The following SLC41A3 variants were observed in gnomAD, a reference collection of about 807,000 sequenced individuals.
SLC41A3 encodes SLC41A1-like 2.
A neutral mutation model predicts 45.4 loss-of-function variants in SLC41A3; 44 were observed. That is an observed-to-expected ratio of 0.97 (90% CI 0.76 to 1.25). The LOEUF (loss-of-function observed/expected upper bound fraction) is 1.25, where lower values mean the gene tolerates loss of function less well. Ranked by LOEUF, SLC41A3 falls within the 50% of genes most tolerant of loss-of-function variation. The probability of loss-of-function intolerance (pLI) is 0.00; values close to 1 mark genes in which losing one functional copy is unlikely to be tolerated. For synonymous variants in SLC41A3, 256 were observed against 252.4 expected, an observed-to-expected ratio of 1.01 and a Z score of -0.13; for missense variants, 550 against 600.6, an observed-to-expected ratio of 0.92 and a Z score of 0.88.
intron 3 of SLC41A3, among the ~76,000 whole-genome samples, chr3:126,037,118 CAT>C (rs1942256295): frequency 6.6e-6 from 1 of 152,170 alleles, no homozygotes; most frequent in South Asian, 2.1e-4. Context: ...GTGCCCTTCT[CAT>C]AGTAATGAGT....
intron 1 of SLC41A3, among the ~76,000 whole-genome samples, chr3:126,079,279 G>GAC (rs63354060): frequency 0.058 from 8,504 of 146,020 alleles, 230 homozygotes; most frequent in Non-Finnish European, 0.068. Flanking sequence ...AAGGGTAAGG[G>GAC]ACACACACAC....
intron 1 of SLC41A3, chr3:126,092,504 C>G (rs1945508668): frequency 6.6e-6 from 1 of 152,162 alleles, no homozygotes; most frequent in African/African-American, 2.4e-5. Flanking sequence ...GGCTGTGAGA[C>G]CCCTGATTTC....
At chr3:126,024,247 C>T (rs771026701) in intron 5 of SLC41A3, 4 of 152,286 alleles carry the variant, frequency 2.6e-5, no homozygotes, top group African/African-American at 9.7e-5. Context: ...TCAGTTTTCC[C>T]TTCTGTAAAA....
chr3:126,026,139 C>T lies in SLC41A3; in HGVS notation c.598+196G>A, dbSNP rs1487299464. 1.3e-5 allele frequency among the ~76,000 whole-genome samples: 2 copies of T among 152,152 alleles called. No individual in the cohort carries two copies. The highest frequency in any genetic ancestry group is 4.8e-5 in the African/African-American group (2 of 41,442). ...GTGGCAGGAGCGGCACACACCCCTG[C>T]CTGGGTGAGGGCACAAGGTGGGCCA... On this transcript the variant is annotated intron_variant, in intron 5 of 10. Transcript: ENST00000360370. The surrounding 1 kb of genome is among the most constrained non-coding windows in gnomAD (Gnocchi z 4.2).
chr3:126,010,963 TCAAACATGATC>T (rs1249701950), intron 9 of SLC41A3, among the ~76,000 whole-genome samples: 1 of 152,170 alleles, frequency 6.6e-6, no homozygotes, highest in African/African-American at 2.4e-5. Flanking sequence ...AAGTAGAGAT[TCAAACATGATC>T]CAAAGTCTTG....
intron 1 of SLC41A3, among the ~76,000 whole-genome samples, chr3:126,077,981 G>C (rs1020469213): frequency 1.1e-4 from 17 of 152,202 alleles, no homozygotes; most frequent in African/African-American, 4.1e-4. Context: ...CTGGGCCCAG[G>C]CGGCACCGGT....
intron 2 of SLC41A3, among the ~76,000 whole-genome samples, chr3:126,059,451 A>T (rs984217226): frequency 2.6e-5 from 4 of 152,070 alleles, no homozygotes; most frequent in African/African-American, 9.7e-5. Flanking sequence ...TGGATGAAGG[A>T]GTGCCCATTT....
At chr3:126,029,572 G>C (rs1199887543) in intron 4 of SLC41A3, among the ~76,000 whole-genome samples, 1 of 152,146 alleles carries the variant, frequency 6.6e-6, no homozygotes, top group East Asian at 1.9e-4. Flanking sequence ...TTTCTTTATA[G>C]CAATGCAAAA....
At chr3:126,063,918 ACT>A (rs1944203719) in intron 2 of SLC41A3, among the ~76,000 whole-genome samples, 1 of 141,932 alleles carries the variant, frequency 7.0e-6, no homozygotes, top group Non-Finnish European at 1.5e-5. Flanking sequence ...GGGTGTCACC[ACT>A]GTCACAGGCA....
At chr3:126,011,920 C>G (rs1256983418) in intron 9 of SLC41A3, among the ~76,000 whole-genome samples, 1 of 152,220 alleles carries the variant, frequency 6.6e-6, no homozygotes, top group Non-Finnish European at 1.5e-5. Flanking sequence ...GAAAGAAGAT[C>G]TGATTTTTCA....
Position 126,012,597 on chromosome 3 carries a change from G to C in SLC41A3, c.1105+18C>G. On this transcript the variant is annotated intron_variant, in intron 9 of 10. Transcript: ENST00000360370. Reference sequence around the variant, plus strand: ...TAAAGAAATGGCTATCATGGCCTCTGAAAGACATGACACCCACCTGACGTG... The same window carrying C: ...TAAAGAAATGGCTATCATGGCCTCTCAAAGACATGACACCCACCTGACGTG... The C allele has an allele frequency of 6.2e-7, 1 of 1,613,570 alleles. No individual in the cohort carries two copies. The highest frequency in any genetic ancestry group is 8.5e-7 in the Non-Finnish European group (1 of 1,179,614).
At chr3:126,090,028 C>CTTTTTTTTTTTTTTTTTTTTTTTTTTTT (rs59737864) in intron 1 of SLC41A3, among the ~76,000 whole-genome samples, 2 of 99,336 alleles carry the variant, frequency 2.0e-5, no homozygotes, top group Non-Finnish European at 3.9e-5. Context: ...TCAAGAAAAT[C>CTTTTTTTTTTTTTTTTTTTTTTTTTTTT]TTTTTTTTTT....
chr3:126,008,600 G>T, intron 10 of SLC41A3, 132 bp downstream of exon 10: 1 of 1,270,486 alleles, frequency 7.9e-7, no homozygotes, highest in Non-Finnish European at 1.1e-6. Context: ...CTCAACTCCT[G>T]GAAGATAAGG....
At chr3:126,016,108 C>T (rs1423699359) in intron 7 of SLC41A3, among the ~76,000 whole-genome samples, 4 of 152,250 alleles carry the variant, frequency 2.6e-5, no homozygotes, top group Non-Finnish European at 5.9e-5. Flanking sequence ...CCTACTCTAT[C>T]GCCTCTTCTC....
upstream of SLC41A3, among the ~76,000 whole-genome samples, chr3:126,084,641 G>A (rs2108117639): frequency 6.6e-6 from 1 of 152,236 alleles, no homozygotes; most frequent in East Asian, 1.9e-4. Flanking sequence ...TAATCAGTAA[G>A]GCCTATTTTT....
At position 126,026,572 on chromosome 3, in the gene SLC41A3, T is replaced by A; in HGVS notation, c.454-93A>T. 1 of 1,469,990 alleles carries A rather than the reference T, an allele frequency of 6.8e-7. No individual in the cohort carries two copies. The highest frequency in any genetic ancestry group is 1.3e-5 in the South Asian group (1 of 76,362). 91.1% of individuals were successfully genotyped at this position (1,469,990 alleles called of 1,614,324 possible). A position where few individuals can be genotyped will look rare whatever the true frequency, so the allele number is the denominator to read the frequency against. ...ACCTCACTCACCGCAAGGGGCCGGG[T>A]GCCACATGCTACTGCCTCCTTTCCC... On this transcript the variant is annotated intron_variant, in intron 4 of 10. Coordinates refer to ENST00000360370, the MANE Select transcript of SLC41A3 (RefSeq NM_017836.4). The surrounding 1 kb of genome is among the most constrained non-coding windows in gnomAD (Gnocchi z 4.2).
chr3:126,022,659 TG>T, intron 6 of SLC41A3, 126 bp downstream of exon 6: 1 of 1,209,572 alleles, frequency 8.3e-7, no homozygotes, highest in Non-Finnish European at 1.2e-6. Context: ...ACATGAAATG[TG>T]GGGGACACAT....
chr3:126,024,949 C>T (rs1262276267), intron 5 of SLC41A3: 1 of 152,178 alleles, frequency 6.6e-6, no homozygotes, highest in Admixed American at 6.5e-5. Context: ...TGTGAACACA[C>T]ATTTGAGGTG....
Position 126,008,890 on chromosome 3 carries a change from A to G in SLC41A3, c.1106-10T>C. On this transcript the variant is annotated splice_polypyrimidine_tract_variant and intron_variant, in intron 9 of 10. Coordinates refer to ENST00000360370, the MANE Select transcript of SLC41A3 (RefSeq NM_017836.4). The stretch of plus-strand genomic sequence containing the variant: ...GACATGGAATTGATTTCTGAAAGAA[A>G]CAGAACCAAGAAGGTCATGTGACCT... 1 of 1,613,616 alleles carries G rather than the reference A, an allele frequency of 6.2e-7. No individual in the cohort carries two copies. Among genetic ancestry groups the G allele is most frequent in the Middle Eastern group, 1.7e-4 (1 of 6,060 alleles).
Sources: gnomAD v4.1 joint callset for allele counts (sites outside exome capture counted in the v4.1 genomes callset) on GRCh38, gnomAD v4.1.1 for gene constraint, Gnocchi (gnomAD v3.1) non-coding constraint, MANE v1.5 for transcripts, NCBI Gene and HGNC (gene_info 2026-07-23, HGNC 2026-07-21) for gene names.